LINGO2: variants seen among roughly 807,000 people sequenced by gnomAD.
LINGO2 encodes leucine rich repeat and Ig domain containing 2.
Under a neutral mutation model 30.6 loss-of-function variants are expected in LINGO2, and 14 were observed. That is an observed-to-expected ratio of 0.46 (90% CI 0.30 to 0.72). The LOEUF is 0.72. LINGO2 is among the 30% of genes least tolerant of loss of function. The pLI is 0.07. For synonymous variants in LINGO2, 317 were observed against 288.5 expected (o/e 1.10, Z -1.00); for missense variants, 729 against 751.7 (o/e 0.97, Z 0.35).
chr9:28,214,329 C>A (rs1820692881), intron 4 of LINGO2, among the ~76,000 whole-genome samples: 1 of 151,496 alleles, frequency 6.6e-6, no homozygotes. Context: ...GCAGTCATTC[C>A]CAATCATTTG....
intron 1 of LINGO2, among the ~76,000 whole-genome samples, chr9:28,565,904 C>T (rs1016129837): frequency 1.3e-5 from 2 of 152,064 alleles, no homozygotes; most frequent in African/African-American, 4.8e-5. Flanking sequence ...GGCTATATAG[C>T]TTTGTCTTCT....
the LINGO2 span, among the ~76,000 whole-genome samples, chr9:28,834,430 C>A: frequency 2.6e-5 from 4 of 152,110 alleles, no homozygotes; most frequent in African/African-American, 9.7e-5. Flanking sequence ...GAATAATATA[C>A]AGAACTCCTT....
At chr9:28,901,203 A>G in the LINGO2 span, among the ~76,000 whole-genome samples, 4 of 152,154 alleles carry the variant, frequency 2.6e-5, no homozygotes, top group Non-Finnish European at 5.9e-5. Context: ...TTAAAGAATA[A>G]CATGTCCAGG....
At chr9:28,780,228 T>TAC in the LINGO2 span, among the ~76,000 whole-genome samples, 1 of 152,306 alleles carries the variant, frequency 6.6e-6, no homozygotes, top group South Asian at 2.1e-4. Flanking sequence ...AGCTTCCCTG[T>TAC]ACTCGGTCTT....
chr9:27,968,398 T>C (rs1363663302), intron 5 of LINGO2, among the ~76,000 whole-genome samples: 1 of 152,056 alleles, frequency 6.6e-6, no homozygotes, highest in Non-Finnish European at 1.5e-5. Flanking sequence ...CTATAAGAGA[T>C]ATTTAATAAT....
chr9:28,004,279 A>G (rs930795258), intron 5 of LINGO2, among the ~76,000 whole-genome samples: 2 of 152,062 alleles, frequency 1.3e-5, no homozygotes, highest in African/African-American at 2.4e-5. Context: ...GGCAAGATAA[A>G]TTATATTATT....
chr9:28,148,379 C>A lies in LINGO2; in HGVS notation c.-86-135974G>T. ...TCCTCATCTCAGAGGCAAGTTTAAC[C>A]TTCAACTTCCTTCATTAGATGAGCA... On this transcript the variant is annotated intron_variant, in intron 4 of 5. Coordinates refer to ENST00000379992, the Ensembl canonical transcript of LINGO2. The surrounding 1 kb of genome is among the most constrained non-coding windows in gnomAD (Gnocchi z 5.1). 1 of 1,159,130 alleles carries A rather than the reference C, an allele frequency of 8.6e-7. No homozygotes were observed. Among genetic ancestry groups the A allele is most frequent in the Non-Finnish European group, 1.2e-6 (1 of 803,314 alleles). The allele number at this position is 1,159,130 out of a possible 1,614,324, so 71.8% of individuals were successfully genotyped here.
chr9:29,063,718 T>G, the LINGO2 span, among the ~76,000 whole-genome samples: 2 of 152,120 alleles, frequency 1.3e-5, no homozygotes, highest in Non-Finnish European at 2.9e-5. Flanking sequence ...CACATATTTC[T>G]GTGTCCTACA....
At chr9:28,291,448 C>G (rs1386290500) in intron 4 of LINGO2, among the ~76,000 whole-genome samples, 1 of 152,116 alleles carries the variant, frequency 6.6e-6, no homozygotes, top group Non-Finnish European at 1.5e-5. Flanking sequence ...TTCTAGGGAA[C>G]AGGGATAATG....
intron 1 of LINGO2, among the ~76,000 whole-genome samples, chr9:28,533,140 G>A (rs1448220188): frequency 1.3e-5 from 2 of 152,036 alleles, no homozygotes; most frequent in East Asian, 3.9e-4. Flanking sequence ...GCAGAAAAAG[G>A]TGGAAGGGGC....
chr9:28,078,941 T>C (rs561178241), intron 4 of LINGO2, among the ~76,000 whole-genome samples: 13 of 148,406 alleles, frequency 8.8e-5, no homozygotes, highest in Middle Eastern at 6.8e-3. Context: ...ATAATGAAGA[T>C]AAAGATGAAA....
the LINGO2 span, among the ~76,000 whole-genome samples, chr9:28,877,625 AC>A: frequency 1.3e-5 from 2 of 152,126 alleles, no homozygotes; most frequent in African/African-American, 4.8e-5. Context: ...CTGTTTTGGT[AC>A]CAGTACCATG....
the LINGO2 span, among the ~76,000 whole-genome samples, chr9:29,147,375 C>T: frequency 4.6e-5 from 7 of 151,982 alleles, no homozygotes; most frequent in African/African-American, 1.7e-4. Flanking sequence ...GAAACTGCCC[C>T]GCTTTAATTT....
At chr9:28,979,883 C>A in the LINGO2 span, among the ~76,000 whole-genome samples, 2 of 152,044 alleles carry the variant, frequency 1.3e-5, no homozygotes, top group East Asian at 3.9e-4. Context: ...CATTATATTG[C>A]CGTTCAAATA....
chr9:28,298,134 T>C (rs1319454727), intron 3 of LINGO2, among the ~76,000 whole-genome samples: 1 of 152,138 alleles, frequency 6.6e-6, no homozygotes, highest in East Asian at 1.9e-4. Context: ...AAATAATTTT[T>C]CACTTATCTC....
the LINGO2 span, among the ~76,000 whole-genome samples, chr9:28,982,495 A>G: frequency 8.4e-6 from 1 of 119,410 alleles, no homozygotes; most frequent in Non-Finnish European, 1.9e-5. Context: ...TCTTGGTGGC[A>G]AAAACCAGGT....
intron 2 of LINGO2, among the ~76,000 whole-genome samples, chr9:28,418,531 C>G (rs1823060142): frequency 6.6e-6 from 1 of 152,048 alleles, no homozygotes; most frequent in Non-Finnish European, 1.5e-5. Flanking sequence ...CCCGCCTGTG[C>G]CTCCCAAAGT....
At chr9:28,426,732 G>C (rs988989719) in intron 2 of LINGO2, among the ~76,000 whole-genome samples, 1 of 152,038 alleles carries the variant, frequency 6.6e-6, no homozygotes, top group Non-Finnish European at 1.5e-5. Context: ...AATAGATATA[G>C]TCTAAGGTTG....
chr9:28,085,165 G>A (rs1221775541), intron 4 of LINGO2, among the ~76,000 whole-genome samples: 1 of 152,026 alleles, frequency 6.6e-6, no homozygotes, highest in Non-Finnish European at 1.5e-5. Flanking sequence ...ACTTTATACT[G>A]TATTTTGCAA....
Sources: gnomAD v4.1 joint callset for allele counts (sites outside exome capture counted in the v4.1 genomes callset) on GRCh38, gnomAD v4.1.1 for gene constraint, Gnocchi (gnomAD v3.1) non-coding constraint, MANE v1.5 for transcripts, NCBI Gene and HGNC (gene_info 2026-07-23, HGNC 2026-07-21) for gene names.